The following SEMA3A variants were observed in gnomAD, a reference collection of about 807,000 sequenced individuals.
SEMA3A encodes the protein semaphorin-3A.
Under a neutral mutation model 97.9 loss-of-function variants are expected in SEMA3A, and 29 were observed. The observed-to-expected ratio is 0.30, with a 90% CI of 0.22 to 0.40. The LOEUF (loss-of-function observed/expected upper bound fraction) is 0.40. Among genes scored for constraint, SEMA3A ranks in the 10% least tolerant of loss-of-function variants. The pLI, the probability that SEMA3A is intolerant of heterozygous loss-of-function variation, is 1.00. For synonymous variants in SEMA3A, 321 were observed against 323.7 expected (o/e 0.99, Z 0.09); for missense variants, 763 against 951.3 (o/e 0.80, Z 2.60).
At chr7:84,408,560 T>A (rs1282574073) in intron 1 of SEMA3A, among the ~76,000 whole-genome samples, 2 of 152,134 alleles carry the variant, frequency 1.3e-5, no homozygotes, top group Non-Finnish European at 2.9e-5. Flanking sequence ...CCCAAAGGAT[T>A]ATAAATCATG....
chr7:84,172,844 G>T (rs1797435308), intron 1 of SEMA3A, among the ~76,000 whole-genome samples: 1 of 152,040 alleles, frequency 6.6e-6, no homozygotes, highest in South Asian at 2.1e-4. Flanking sequence ...TTAATCTATT[G>T]TTTTATTTTT....
At chr7:84,320,334 C>CTGTT (rs1340376314) in intron 2 of SEMA3A, among the ~76,000 whole-genome samples, 1 of 151,786 alleles carries the variant, frequency 6.6e-6, no homozygotes, top group Non-Finnish European at 1.5e-5. Context: ...TTTGCTTACT[C>CTGTT]TGTTAGGATA....
At chr7:84,176,491 A>C (rs1426134252) in intron 1 of SEMA3A, among the ~76,000 whole-genome samples, 1 of 152,188 alleles carries the variant, frequency 6.6e-6, no homozygotes, top group Non-Finnish European at 1.5e-5. Context: ...TTATTTATGA[A>C]AGATGGTATG....
chr7:84,096,850 C>A (rs1311843422), intron 4 of SEMA3A, among the ~76,000 whole-genome samples: 3 of 145,494 alleles, frequency 2.1e-5, no homozygotes, highest in African/African-American at 7.6e-5. Flanking sequence ...ACATTTTTCC[C>A]ATTCTGTTAG....
upstream of SEMA3A, among the ~76,000 whole-genome samples, chr7:84,196,930 G>A (rs1798245467): frequency 2.0e-5 from 3 of 152,002 alleles, no homozygotes. Context: ...AAACTAAACA[G>A]GATAATAAAA....
At position 84,120,766 on chromosome 7, in the gene SEMA3A, G is replaced by C. The variant is rs576604307; in HGVS notation, c.333+8357C>G. Among the ~76,000 whole-genome samples, 96 of 152,258 alleles carry C rather than the reference G, an allele frequency of 6.3e-4. 1 individual carries two copies. In the South Asian group the frequency reaches 0.011, roughly 17 times the overall value. ...TCGATATTTTCAAAAATTATAAAGG[G>C]TCTGGGGTTTTACCCTATTTGTAAA... is the stretch of plus-strand genomic sequence containing the variant. On this transcript the variant is annotated intron_variant, in intron 3 of 16. Coordinates refer to ENST00000265362, the MANE Select transcript of SEMA3A (RefSeq NM_006080.3).
chr7:84,024,390 A>C (rs1040885955), intron 6 of SEMA3A, among the ~76,000 whole-genome samples: 2 of 151,976 alleles, frequency 1.3e-5, no homozygotes, highest in African/African-American at 4.8e-5. Flanking sequence ...AAAATACAAA[A>C]AAAAAATTAG....
chr7:84,057,740 C>T (rs1021728578), intron 5 of SEMA3A, among the ~76,000 whole-genome samples: 13 of 142,840 alleles, frequency 9.1e-5, no homozygotes, highest in Admixed American at 4.4e-4. Flanking sequence ...CCAGCCTGGG[C>T]GACAGAGCAA....
chr7:84,446,543 G>A (rs189203957), intron 1 of SEMA3A, among the ~76,000 whole-genome samples: 4 of 152,180 alleles, frequency 2.6e-5, no homozygotes, highest in East Asian at 3.9e-4. Flanking sequence ...TGTAATACAC[G>A]TAGACAGAGT....
chr7:84,477,539 A>C (rs2116425373), intron 1 of SEMA3A, among the ~76,000 whole-genome samples: 1 of 152,218 alleles, frequency 6.6e-6, no homozygotes, highest in African/African-American at 2.4e-5. Flanking sequence ...ATATTGGAGA[A>C]GACATTCTGA....
intron 2 of SEMA3A, among the ~76,000 whole-genome samples, chr7:84,332,251 C>T (rs528866587): frequency 2.2e-4 from 34 of 151,990 alleles, no homozygotes; most frequent in Non-Finnish European, 2.8e-4. Context: ...TAAGTCCCAA[C>T]GACTCATTTC....
chr7:84,389,588 T>C (rs1382949889), intron 1 of SEMA3A, among the ~76,000 whole-genome samples: 1 of 152,078 alleles, frequency 6.6e-6, no homozygotes, highest in African/African-American at 2.4e-5. Flanking sequence ...AAAAAACCTG[T>C]ACAGAGATCC....
intron 3 of SEMA3A, among the ~76,000 whole-genome samples, chr7:84,208,584 T>G (rs1400705165): frequency 6.6e-6 from 1 of 152,208 alleles, no homozygotes; most frequent in East Asian, 1.9e-4. Context: ...CTATAAACTT[T>G]AAAACATGGA....
chr7:84,239,954 C>T (rs2018407), intron 3 of SEMA3A, among the ~76,000 whole-genome samples: 96,509 of 151,930 alleles, frequency 0.64, 31,096 homozygotes, highest in East Asian at 0.75. Flanking sequence ...ATTGGTCAGA[C>T]TAATGTTAGA....
At chr7:83,993,293 T>C (rs1263378870) in intron 12 of SEMA3A, among the ~76,000 whole-genome samples, 2 of 137,848 alleles carry the variant, frequency 1.5e-5, no homozygotes, top group Non-Finnish European at 3.1e-5. Flanking sequence ...TGTCTTTTAA[T>C]TGGAGCATTT....
chr7:84,292,641 G>T lies in SEMA3A; in HGVS notation c.-83+14566C>A, dbSNP rs568426765. Among the ~76,000 whole-genome samples the T allele has an allele frequency of 6.6e-5, 10 of 151,884 alleles. No homozygotes were observed. In the South Asian group the frequency reaches 2.1e-3, roughly 32 times the overall value. ...GTAGAAAATGCACAAATTGGGGTTG[G>T]GCAAAATCTATTCCTAAACTCTCCC... On this transcript the variant is annotated intron_variant, in intron 3 of 3. Transcript: ENST00000424555.
At chr7:84,112,854 A>G (rs936548462) in intron 3 of SEMA3A, among the ~76,000 whole-genome samples, 22 of 152,354 alleles carry the variant, frequency 1.4e-4, no homozygotes, top group African/African-American at 5.3e-4. Flanking sequence ...CTGTTGGAAC[A>G]AAATCAATCA....
chr7:84,071,929 C>T (rs546584447), intron 4 of SEMA3A, among the ~76,000 whole-genome samples: 4 of 151,958 alleles, frequency 2.6e-5, no homozygotes, highest in African/African-American at 9.7e-5. Flanking sequence ...AAGACACATC[C>T]CAGGAACTAA....
intron 1 of SEMA3A, among the ~76,000 whole-genome samples, chr7:84,392,937 A>G (rs894561362): frequency 6.6e-6 from 1 of 152,050 alleles, no homozygotes; most frequent in Non-Finnish European, 1.5e-5. Flanking sequence ...TATATTTTGG[A>G]TACTAATTCC....
Sources: allele counts gnomAD v4.1 joint callset (sites outside exome capture counted in the v4.1 genomes callset), GRCh38; gene constraint gnomAD v4.1.1; transcripts MANE v1.5; gene names NCBI Gene and HGNC (gene_info 2026-07-23, HGNC 2026-07-21).